Variants in AFG2A observed in about 807,000 individuals in gnomAD.
AFG2A encodes ATPase family gene 2 protein homolog A.
chr4:123,236,411 A>T, the AFG2A span, among the ~76,000 whole-genome samples: 1 of 152,166 alleles, frequency 6.6e-6, no homozygotes, highest in African/African-American at 2.4e-5. Context: ...TAACGCTTGA[A>T]ATAGTGTTAA....
the AFG2A span, among the ~76,000 whole-genome samples, chr4:123,114,400 G>A: frequency 3.5e-4 from 53 of 152,232 alleles, no homozygotes; most frequent in South Asian, 8.3e-4. Context: ...GCTCACACCC[G>A]TGCCAAGGAG....
At chr4:123,082,217 T>C in the AFG2A span, among the ~76,000 whole-genome samples, 3 of 152,136 alleles carry the variant, frequency 2.0e-5, no homozygotes, top group African/African-American at 4.8e-5. Context: ...CCCAAGGTCA[T>C]CTTGGTTTTC....
the AFG2A span, among the ~76,000 whole-genome samples, chr4:123,040,935 C>G: frequency 2.6e-5 from 4 of 152,106 alleles, no homozygotes; most frequent in African/African-American, 9.6e-5. Flanking sequence ...TAAATAATTA[C>G]TCATCCAAAA....
the AFG2A span, among the ~76,000 whole-genome samples, chr4:123,258,400 CT>C: frequency 1.3e-5 from 2 of 152,214 alleles, no homozygotes; most frequent in African/African-American, 4.8e-5. Flanking sequence ...TTCTCTCTCT[CT>C]GTTTCTCTGT....
chr4:123,000,064 C>A, the AFG2A span, among the ~76,000 whole-genome samples: 1 of 150,016 alleles, frequency 6.7e-6, no homozygotes, highest in Non-Finnish European at 1.5e-5. Context: ...CTCTTTGAAG[C>A]AATTGTGAAT....
chr4:123,311,643 AAAAAAAAAAAAAAG>A, the AFG2A span, among the ~76,000 whole-genome samples: 1 of 144,920 alleles, frequency 6.9e-6, no homozygotes, highest in Admixed American at 6.8e-5. Context: ...AAAAAAAAAA[AAAAAAAAAAAAAAG>A]AGAGAGAAAA....
chr4:123,001,565 A>C, the AFG2A span, among the ~76,000 whole-genome samples: 1 of 151,366 alleles, frequency 6.6e-6, no homozygotes, highest in African/African-American at 2.4e-5. Flanking sequence ...TTATGTACCC[A>C]GTAGTCATTC....
At chr4:122,968,950 T>C in the AFG2A span, among the ~76,000 whole-genome samples, 1 of 152,142 alleles carries the variant, frequency 6.6e-6, no homozygotes, top group African/African-American at 2.4e-5. Context: ...TCTATTCAAT[T>C]TTTCTGTAGG....
the AFG2A span, chr4:122,934,151 C>T: frequency 2.5e-5 from 41 of 1,613,966 alleles, no homozygotes; most frequent in South Asian, 6.6e-5. Context: ...TATGGACGAC[C>T]GTACAAGCTG....
the AFG2A span, among the ~76,000 whole-genome samples, chr4:123,004,374 A>G: frequency 1.3e-5 from 2 of 152,176 alleles, no homozygotes; most frequent in African/African-American, 4.8e-5. Context: ...CTCAGATGTA[A>G]ATGCAGAAAT....
the AFG2A span, among the ~76,000 whole-genome samples, chr4:123,201,137 A>G: frequency 6.6e-6 from 1 of 152,236 alleles, no homozygotes; most frequent in Non-Finnish European, 1.5e-5. Flanking sequence ...CTTGTATTTA[A>G]GAGAGTGAAT....
chr4:122,936,749 G>A, the AFG2A span, among the ~76,000 whole-genome samples: 1 of 152,180 alleles, frequency 6.6e-6, no homozygotes, highest in African/African-American at 2.4e-5. Context: ...GGAGACCGAG[G>A]CAGGCAGATC....
At chr4:123,077,125 G>T in the AFG2A span, among the ~76,000 whole-genome samples, 1 of 147,374 alleles carries the variant, frequency 6.8e-6, no homozygotes, top group East Asian at 2.1e-4. Context: ...TCAGCTCACT[G>T]CAAGCTCCGC....
the AFG2A span, among the ~76,000 whole-genome samples, chr4:123,175,973 A>G: frequency 6.6e-5 from 10 of 152,188 alleles, no homozygotes; most frequent in Non-Finnish European, 1.3e-4. Context: ...GGGAATTATA[A>G]GAGCTGAGCT....
chr4:123,287,060 C>T, the AFG2A span, among the ~76,000 whole-genome samples: 1 of 152,098 alleles, frequency 6.6e-6, no homozygotes, highest in Non-Finnish European at 1.5e-5. Flanking sequence ...GACACCTCTA[C>T]CGGCAGGCCC....
the AFG2A span, among the ~76,000 whole-genome samples, chr4:123,103,933 A>T: frequency 6.6e-6 from 1 of 152,162 alleles, no homozygotes; most frequent in Non-Finnish European, 1.5e-5. Context: ...GATTGCAGGG[A>T]CAGAAATCAG....
the AFG2A span, among the ~76,000 whole-genome samples, chr4:123,112,765 C>T: frequency 6.6e-6 from 1 of 152,006 alleles, no homozygotes; most frequent in Non-Finnish European, 1.5e-5. Context: ...GGCACAGAAG[C>T]TCTGTTTAGA....
chr4:123,185,089 A>G, the AFG2A span, among the ~76,000 whole-genome samples: 1 of 152,154 alleles, frequency 6.6e-6, no homozygotes, highest in Non-Finnish European at 1.5e-5. Context: ...GGCAAAGCCA[A>G]TTTGGTGCTC....
the AFG2A span, among the ~76,000 whole-genome samples, chr4:122,940,749 G>A: frequency 0.012 from 1,751 of 151,724 alleles, 13 homozygotes; most frequent in Middle Eastern, 0.078. Flanking sequence ...TTTCTTCTAG[G>A]GTTTTTATGG....
Sources: allele counts gnomAD v4.1 joint callset (sites outside exome capture counted in the v4.1 genomes callset), GRCh38; gene constraint gnomAD v4.1.1; transcripts MANE v1.5; gene names NCBI Gene and HGNC (gene_info 2026-07-23, HGNC 2026-07-21).